The following DIAPH3 variants were observed in gnomAD, a reference collection of about 807,000 sequenced individuals.
The protein encoded by DIAPH3 is protein diaphanous homolog 3.
Under a neutral mutation model 144.3 loss-of-function variants are expected in DIAPH3, and 117 were observed. The observed-to-expected ratio is 0.81, with a 90% confidence interval of 0.70 to 0.95. DIAPH3 has a LOEUF of 0.95. Among genes scored for constraint, DIAPH3 ranks in the 40% least tolerant of loss-of-function variants. The pLI is 0.00. For synonymous variants in DIAPH3, 519 were observed against 488.9 expected (o/e 1.06, Z -0.81); for missense variants, 1,421 against 1,412.7 (o/e 1.01, Z -0.09).
chr13:59,768,391 G>C (rs527385345), intron 27 of DIAPH3, among the ~76,000 whole-genome samples: 1 of 152,116 alleles, frequency 6.6e-6, no homozygotes, highest in Admixed American at 6.6e-5. Context: ...AAATGAAAAT[G>C]GTAGTTGTCA....
intron 2 of DIAPH3, among the ~76,000 whole-genome samples, chr13:60,120,288 C>T (rs2058813979): frequency 6.6e-6 from 1 of 152,182 alleles, no homozygotes; most frequent in Non-Finnish European, 1.5e-5. Flanking sequence ...GAGAGAAAAA[C>T]CAACCATTCA....
intron 27 of DIAPH3, among the ~76,000 whole-genome samples, chr13:59,701,632 CTT>C (rs769103578): frequency 9.2e-5 from 14 of 152,222 alleles, no homozygotes; most frequent in Admixed American, 2.0e-4. Flanking sequence ...AAGACCATGA[CTT>C]CCTATTGTGG....
At chr13:60,037,356 T>C (rs1053532042) in intron 5 of DIAPH3, among the ~76,000 whole-genome samples, 2 of 151,934 alleles carry the variant, frequency 1.3e-5, no homozygotes, top group African/African-American at 2.4e-5. Context: ...GACTCAATAA[T>C]AGTAAAATCT....
chr13:59,753,384 C>T (rs1264943845), intron 27 of DIAPH3, among the ~76,000 whole-genome samples: 1 of 152,098 alleles, frequency 6.6e-6, no homozygotes, highest in East Asian at 1.9e-4. Flanking sequence ...TTTCATGACT[C>T]CAAATAATAT....
At chr13:59,733,766 TC>T (rs1179820534) in intron 27 of DIAPH3, among the ~76,000 whole-genome samples, 2 of 152,288 alleles carry the variant, frequency 1.3e-5, no homozygotes, top group East Asian at 3.9e-4. Flanking sequence ...ATACGACACT[TC>T]CCTCTTCAGC....
At chr13:60,119,625 T>C (rs374834538) in intron 2 of DIAPH3, among the ~76,000 whole-genome samples, 3,395 of 149,004 alleles carry the variant, frequency 0.023, 87 homozygotes, top group Admixed American at 0.079. Flanking sequence ...CGGGCGCCTG[T>C]AGTCCCAGCT....
intron 1 of DIAPH3, among the ~76,000 whole-genome samples, chr13:60,154,365 G>A (rs1482107972): frequency 6.6e-6 from 1 of 152,100 alleles, no homozygotes; most frequent in Non-Finnish European, 1.5e-5. Flanking sequence ...TTAAGTAATT[G>A]CTCAGTTCAC....
chr13:60,052,442 T>G (rs962450808), intron 4 of DIAPH3, among the ~76,000 whole-genome samples: 7 of 152,082 alleles, frequency 4.6e-5, no homozygotes, highest in Non-Finnish European at 1.0e-4. Flanking sequence ...ATCACATATG[T>G]GAATAATGAA....
chr13:59,747,051 T>A (rs1318427432), intron 27 of DIAPH3, among the ~76,000 whole-genome samples: 1 of 152,184 alleles, frequency 6.6e-6, no homozygotes, highest in Admixed American at 6.5e-5. Context: ...AATTGCTTAA[T>A]GCTGCATACA....
chr13:60,088,943 C>T (rs1439867592), intron 4 of DIAPH3, among the ~76,000 whole-genome samples: 7 of 152,084 alleles, frequency 4.6e-5, no homozygotes, highest in Admixed American at 1.3e-4. Context: ...TTTTACTAAC[C>T]CTCTGTAATT....
chr13:60,010,049 C>G (rs774853080), intron 8 of DIAPH3, among the ~76,000 whole-genome samples: 2 of 152,080 alleles, frequency 1.3e-5, no homozygotes, highest in African/African-American at 4.8e-5. Context: ...GTGCTTTATG[C>G]TCAAGGACTT....
chr13:59,691,623 C>G (rs539940956), intron 27 of DIAPH3, among the ~76,000 whole-genome samples: 53 of 152,046 alleles, frequency 3.5e-4, no homozygotes, highest in Non-Finnish European at 6.9e-4. Flanking sequence ...AAATTTCAGT[C>G]TGTATATAGA....
intron 5 of DIAPH3, among the ~76,000 whole-genome samples, chr13:60,030,305 G>A (rs1355132139): frequency 6.6e-6 from 1 of 152,010 alleles, no homozygotes; most frequent in Non-Finnish European, 1.5e-5. Flanking sequence ...TTAGTGGCAT[G>A]TTATCCATGT....
chr13:59,740,510 T>A (rs191713241), intron 27 of DIAPH3, among the ~76,000 whole-genome samples: 259 of 152,350 alleles, frequency 1.7e-3, no homozygotes, highest in African/African-American at 6.0e-3. Context: ...GCCTGTTTGC[T>A]GGGATTTCCC....
intron 22 of DIAPH3, among the ~76,000 whole-genome samples, chr13:59,851,161 C>T (rs1593675677): frequency 1.3e-5 from 2 of 152,144 alleles, no homozygotes; most frequent in East Asian, 3.9e-4. Context: ...AGTAGCACAT[C>T]AAAAAGCTTA....
chr13:60,062,198 C>T (rs183311486), intron 4 of DIAPH3, among the ~76,000 whole-genome samples: 24 of 152,210 alleles, frequency 1.6e-4, no homozygotes, highest in African/African-American at 5.1e-4. Context: ...AAAACAGGAA[C>T]TCAAAAAACA....
chr13:59,797,782 A>G (rs981005851), intron 25 of DIAPH3, among the ~76,000 whole-genome samples: 4 of 152,138 alleles, frequency 2.6e-5, no homozygotes, highest in African/African-American at 9.7e-5. Flanking sequence ...TCTCCAGGAA[A>G]GGGCCACCTC....
intron 4 of DIAPH3, among the ~76,000 whole-genome samples, chr13:60,055,946 C>T (rs2056542674): frequency 6.6e-6 from 1 of 151,696 alleles, no homozygotes; most frequent in Non-Finnish European, 1.5e-5. Flanking sequence ...TATAGTCCTC[C>T]TTGTATAGTT....
chr13:59,805,364 A>ATG (rs2040138450), intron 25 of DIAPH3, among the ~76,000 whole-genome samples: 2 of 152,064 alleles, frequency 1.3e-5, no homozygotes, highest in African/African-American at 4.8e-5. Context: ...GAATTAAGAA[A>ATG]AAGTTGTGCA....
Sources: allele counts gnomAD v4.1 joint callset (sites outside exome capture counted in the v4.1 genomes callset), GRCh38; gene constraint gnomAD v4.1.1; transcripts MANE v1.5; gene names NCBI Gene and HGNC (gene_info 2026-07-23, HGNC 2026-07-21).